The following TRAPPC9 variants were observed in gnomAD, a reference collection of about 807,000 sequenced individuals.
TRAPPC9 encodes trafficking protein particle complex subunit 9.
TRAPPC9 carries 83 observed loss-of-function variants against 124.0 expected under a neutral mutation model. The ratio of observed to expected loss-of-function variants is 0.67; its 90% confidence interval spans 0.56 to 0.80. The LOEUF (loss-of-function observed/expected upper bound fraction) is 0.80. TRAPPC9 is among the 30% of genes least tolerant of loss of function. TRAPPC9 has a pLI of 0.00. For missense variants in TRAPPC9, 1,302 were observed against 1,508.3 expected, an observed-to-expected ratio of 0.86 and a Z score of 2.27; for synonymous variants, 638 against 617.5, an observed-to-expected ratio of 1.03 and a Z score of -0.49.
At chr8:139,895,260 G>A (rs540505052) in intron 20 of TRAPPC9, among the ~76,000 whole-genome samples, 20 of 152,140 alleles carry the variant, frequency 1.3e-4, no homozygotes, top group African/African-American at 4.6e-4. Context: ...CCCGCTTTGC[G>A]GTAATATTCT....
intron 9 of TRAPPC9, among the ~76,000 whole-genome samples, chr8:140,326,489 C>A (rs999618266): frequency 6.6e-6 from 1 of 152,198 alleles, no homozygotes; most frequent in Non-Finnish European, 1.5e-5. Context: ...CTACAATGCT[C>A]TGCAACCATG....
intron 17 of TRAPPC9, among the ~76,000 whole-genome samples, chr8:140,170,564 C>T (rs1383608447): frequency 6.6e-6 from 1 of 152,104 alleles, no homozygotes; most frequent in African/African-American, 2.4e-5. Context: ...ATTAGGGGGA[C>T]ATATAGACAT....
At chr8:140,080,484 A>C (rs1843750055) in intron 17 of TRAPPC9, among the ~76,000 whole-genome samples, 1 of 152,228 alleles carries the variant, frequency 6.6e-6, no homozygotes, top group Non-Finnish European at 1.5e-5. Context: ...GGGCTGCGTC[A>C]AGATGTAGCA....
chr8:140,438,702 A>T (rs1035717935), intron 3 of TRAPPC9, among the ~76,000 whole-genome samples: 5 of 149,718 alleles, frequency 3.3e-5, no homozygotes, highest in East Asian at 3.9e-4. Flanking sequence ...ATTTTATTTT[A>T]TTTTTTTTTG....
At chr8:139,789,430 G>A (rs1323674361) in intron 21 of TRAPPC9, among the ~76,000 whole-genome samples, 2 of 152,142 alleles carry the variant, frequency 1.3e-5, no homozygotes, top group African/African-American at 2.4e-5. Flanking sequence ...CAGCAGCATC[G>A]CCTGACCCAG....
chr8:139,888,105 A>C lies in TRAPPC9; in HGVS notation c.2965-2136T>G, dbSNP rs549520883. ...GCACATGCTGCTTGCTTCATTCCAC[A>C]GCACCCCAAATGTCTAACTCATCCC... On this transcript the variant is annotated intron_variant, in intron 20 of 22. Coordinates refer to ENST00000438773, the MANE Select transcript of TRAPPC9 (RefSeq NM_001160372.4). Among the ~76,000 whole-genome samples the C allele has an allele frequency of 1.2e-3, 179 of 152,280 alleles. 1 individual carries two copies. The highest frequency in any genetic ancestry group is 4.2e-3 in the African/African-American group (173 of 41,556).
At chr8:140,268,608 T>C (rs769849389) in intron 15 of TRAPPC9, among the ~76,000 whole-genome samples, 174 of 152,312 alleles carry the variant, frequency 1.1e-3, no homozygotes, top group Non-Finnish European at 1.6e-3. Context: ...TTTGTTTTTA[T>C]GCCGGCTCCT....
chr8:140,158,703 A>G (rs2061695808), intron 17 of TRAPPC9, among the ~76,000 whole-genome samples: 1 of 152,234 alleles, frequency 6.6e-6, no homozygotes, highest in Non-Finnish European at 1.5e-5. Context: ...TAGTCCTGCA[A>G]GCTGAGCAGC....
intron 9 of TRAPPC9, among the ~76,000 whole-genome samples, chr8:140,318,930 A>G (rs2066513142): frequency 6.6e-6 from 1 of 152,182 alleles, no homozygotes; most frequent in Admixed American, 6.5e-5. Context: ...CAGTGTTACC[A>G]TAAGAGGAAT....
chr8:140,210,877 T>C (rs1239434936), intron 17 of TRAPPC9, among the ~76,000 whole-genome samples: 1 of 152,228 alleles, frequency 6.6e-6, no homozygotes, highest in Admixed American at 6.5e-5. Context: ...GTAACTGGCA[T>C]AATACGTGTT....
chr8:140,275,248 C>T (rs572138587), intron 15 of TRAPPC9, among the ~76,000 whole-genome samples: 26 of 152,328 alleles, frequency 1.7e-4, no homozygotes. Flanking sequence ...GGTCCCCTGA[C>T]CCCAAACTAC....
chr8:140,351,957 A>T (rs185577929), intron 9 of TRAPPC9, among the ~76,000 whole-genome samples: 1 of 152,132 alleles, frequency 6.6e-6, no homozygotes, highest in Non-Finnish European at 1.5e-5. Context: ...TTGTGCAACA[A>T]CCACCACAAT....
intron 7 of TRAPPC9, among the ~76,000 whole-genome samples, chr8:140,386,866 G>A (rs185852139): frequency 2.3e-4 from 35 of 152,176 alleles, no homozygotes; most frequent in Admixed American, 3.3e-4. Flanking sequence ...CAAGTCAGTC[G>A]TAAGCCAAAA....
chr8:140,451,561 C>T (rs2071464422), intron 1 of TRAPPC9, among the ~76,000 whole-genome samples, 178 bp from the exon 2 acceptor site: 2 of 152,206 alleles, frequency 1.3e-5, no homozygotes, highest in Admixed American at 1.3e-4. Flanking sequence ...GATCATAATG[C>T]TGTAACTGTT....
At chr8:139,748,028 C>T (rs1819044557) in intron 21 of TRAPPC9, among the ~76,000 whole-genome samples, 1 of 17,624 alleles carries the variant, frequency 5.7e-5, no homozygotes, top group East Asian at 1.7e-3. Context: ...GTTGGGGGGG[C>T]GTACAGGGGT....
intron 21 of TRAPPC9, among the ~76,000 whole-genome samples, chr8:139,761,707 C>G (rs976175718): frequency 3.9e-5 from 6 of 152,190 alleles, no homozygotes; most frequent in South Asian, 2.1e-4. Context: ...GGTCACCCCC[C>G]TCAGGGACGG....
intron 15 of TRAPPC9, among the ~76,000 whole-genome samples, chr8:140,258,115 T>A (rs1384150987): frequency 1.3e-5 from 2 of 152,126 alleles, no homozygotes; most frequent in African/African-American, 4.8e-5. Context: ...ACAAAGTATG[T>A]CATGACCAGG....
chr8:139,741,767 C>T (rs755975128), intron 21 of TRAPPC9, among the ~76,000 whole-genome samples: 4 of 152,070 alleles, frequency 2.6e-5, no homozygotes, highest in Non-Finnish European at 4.4e-5. Flanking sequence ...TAAACAGAAG[C>T]GGAGGGCAGT....
chr8:140,152,671 T>C (rs573751800), intron 17 of TRAPPC9, among the ~76,000 whole-genome samples: 1 of 152,178 alleles, frequency 6.6e-6, no homozygotes, highest in South Asian at 2.1e-4. Context: ...CCCGGCCATG[T>C]TGCCATCTTA....
Sources: allele counts gnomAD v4.1 joint callset (sites outside exome capture counted in the v4.1 genomes callset), GRCh38; gene constraint gnomAD v4.1.1; transcripts MANE v1.5; gene names NCBI Gene and HGNC (gene_info 2026-07-23, HGNC 2026-07-21).